Variants in UNC5D observed in about 807,000 individuals in gnomAD.
UNC5D encodes netrin receptor UNC5D.
A neutral mutation model predicts 105.4 loss-of-function variants in UNC5D; 39 were observed. The observed-to-expected ratio is 0.37, with a 90% CI of 0.29 to 0.48. The LOEUF is 0.48. Ranked by LOEUF, UNC5D falls within the 20% of genes least tolerant of loss-of-function variation. The probability of loss-of-function intolerance (pLI) is 0.98; values close to 1 mark genes in which losing one functional copy is unlikely to be tolerated. For missense variants in UNC5D, 991 were observed against 1,202.4 expected, an observed-to-expected ratio of 0.82 and a Z score of 2.60; for synonymous variants, 452 against 450.4, an observed-to-expected ratio of 1.00 and a Z score of -0.04.
chr8:35,365,954 A>G (rs1307502630), intron 1 of UNC5D, among the ~76,000 whole-genome samples: 1 of 152,178 alleles, frequency 6.6e-6, no homozygotes, highest in African/African-American at 2.4e-5. Flanking sequence ...GAGGAAATAA[A>G]CAGAAGAATA....
chr8:35,488,775 A>G (rs1395963889), intron 1 of UNC5D, among the ~76,000 whole-genome samples: 1 of 152,154 alleles, frequency 6.6e-6, no homozygotes, highest in African/African-American at 2.4e-5. Flanking sequence ...CAGATAACTT[A>G]CCTGGTTTCA....
At position 35,455,531 on chromosome 8, in the gene UNC5D, C is replaced by T. The variant is rs182270929; in HGVS notation, c.104-93761C>T. ...TGATCTCAGGTGATCCGTCCACCTC[C>T]GCCTCCCAAAGTGCTGGGATTACAG... is the stretch of plus-strand genomic sequence containing the variant. On this transcript the variant is annotated intron_variant, in intron 1 of 16. Transcript: ENST00000404895. Among the ~76,000 whole-genome samples, 1,404 of 151,830 alleles carry T rather than the reference C, an allele frequency of 9.2e-3. 22 individuals are homozygous for T. Among genetic ancestry groups the T allele is most frequent in the South Asian group, 0.081 (387 of 4,782 alleles).
chr8:35,420,867 A>G (rs1299959371), intron 1 of UNC5D, among the ~76,000 whole-genome samples: 1 of 152,176 alleles, frequency 6.6e-6, no homozygotes, highest in Non-Finnish European at 1.5e-5. Flanking sequence ...ATTATTACCT[A>G]AAGTATCTGA....
At chr8:35,685,790 T>C (rs559143372) in intron 6 of UNC5D, among the ~76,000 whole-genome samples, 2 of 152,272 alleles carry the variant, frequency 1.3e-5, no homozygotes, top group South Asian at 4.1e-4. Context: ...GACTCAGACA[T>C]TTTGCTTCAA....
In UNC5D at chr8:35,353,704, C is replaced by A. The variant is rs548801658; in HGVS notation, c.103+117817C>A. Among the ~76,000 whole-genome samples the A allele has an allele frequency of 3.3e-5, 5 of 151,968 alleles. No homozygotes were observed. The South Asian group carries it at 1.0e-3, about 32-fold the overall frequency. On this transcript the variant is annotated intron_variant, in intron 1 of 16. Transcript: ENST00000404895. Reference sequence around the variant, plus strand: ...TATTATTCTTAAAAAGAAGAAGATACCTTCATGTGCATTAATATTGAAAAA... The same window carrying A: ...TATTATTCTTAAAAAGAAGAAGATAACTTCATGTGCATTAATATTGAAAAA...
At chr8:35,697,566 A>C (rs1359678905) in intron 7 of UNC5D, among the ~76,000 whole-genome samples, 1 of 152,146 alleles carries the variant, frequency 6.6e-6, no homozygotes. Context: ...CTCATCAAGT[A>C]GCCACAACAT....
intron 3 of UNC5D, among the ~76,000 whole-genome samples, chr8:35,580,607 GA>G (rs1352844658): frequency 6.6e-6 from 1 of 152,108 alleles, no homozygotes; most frequent in Non-Finnish European, 1.5e-5. Context: ...AAAGATTTAT[GA>G]AGGAAGAAAT....
At chr8:35,609,201 G>A (rs760388091) in intron 4 of UNC5D, among the ~76,000 whole-genome samples, 4 of 152,002 alleles carry the variant, frequency 2.6e-5, no homozygotes, top group Non-Finnish European at 5.9e-5. Context: ...CCATTTGTAT[G>A]TCTTCTTTTG....
At chr8:35,281,052 G>A (rs373348792) in intron 1 of UNC5D, among the ~76,000 whole-genome samples, 1 of 152,128 alleles carries the variant, frequency 6.6e-6, no homozygotes, top group East Asian at 1.9e-4. Context: ...TCCCGTTGCC[G>A]GAACTCACTC....
At chr8:35,695,581 G>A (rs1826707532) in intron 7 of UNC5D, among the ~76,000 whole-genome samples, 1 of 151,998 alleles carries the variant, frequency 6.6e-6, no homozygotes, top group African/African-American at 2.4e-5. Flanking sequence ...GCTCAGGAGA[G>A]GGAAGGAAGA....
rs763941864 is a variant in UNC5D, at chr8:35,549,452, C to T, written c.264C>T (p.Asn88=). The T allele has an allele frequency of 3.3e-5, 53 of 1,612,598 alleles. No homozygotes were observed. The highest frequency in any genetic ancestry group is 5.3e-5 in the African/African-American group (4 of 74,874). The part of the protein sequence containing the change: ...RPAMQIFFKC[N]GEWVHQNEHV... ...CCATGCAGATATTCTTCAAATGCAACGGCGAGTGGGTCCATCAGAACGAGC... is the reference window on the plus strand; with the variant it reads ...CCATGCAGATATTCTTCAAATGCAATGGCGAGTGGGTCCATCAGAACGAGC... The change falls in exon 2 of 17, where the codon AAC becomes AAT. Residue 88 remains asparagine, a synonymous_variant. Coordinates refer to ENST00000404895, the MANE Select transcript of UNC5D (RefSeq NM_080872.4).
At chr8:35,711,595 A>G (rs1319112376) in intron 8 of UNC5D, among the ~76,000 whole-genome samples, 1 of 152,068 alleles carries the variant, frequency 6.6e-6, no homozygotes, top group Non-Finnish European at 1.5e-5. Context: ...ATGTTGGCCT[A>G]TAGTTTCCCT....
intron 1 of UNC5D, among the ~76,000 whole-genome samples, chr8:35,281,547 C>A (rs561297517): frequency 1.3e-5 from 2 of 152,096 alleles, no homozygotes; most frequent in South Asian, 4.1e-4. Flanking sequence ...TCAAGCGATT[C>A]TCCTGCCTCA....
At chr8:35,373,150 A>T (rs918641887) in intron 1 of UNC5D, among the ~76,000 whole-genome samples, 18 of 152,342 alleles carry the variant, frequency 1.2e-4, no homozygotes, top group Admixed American at 1.0e-3. Context: ...CTATGTAAAA[A>T]TAAATAGCAT....
At chr8:35,356,315 C>G (rs1407653817) in intron 1 of UNC5D, among the ~76,000 whole-genome samples, 2 of 152,152 alleles carry the variant, frequency 1.3e-5, no homozygotes, top group African/African-American at 4.8e-5. Flanking sequence ...TTCCTACTCC[C>G]TTTACTACTA....
intron 1 of UNC5D, among the ~76,000 whole-genome samples, chr8:35,283,497 C>T (rs1158441790): frequency 6.6e-6 from 1 of 152,096 alleles, no homozygotes; most frequent in Non-Finnish European, 1.5e-5. Context: ...CATGGTGGCT[C>T]ACACCTGTAA....
chr8:35,396,071 G>A (rs780006686), intron 1 of UNC5D, among the ~76,000 whole-genome samples: 7 of 152,148 alleles, frequency 4.6e-5, no homozygotes, highest in Non-Finnish European at 1.5e-5. Flanking sequence ...GTAAGTATTA[G>A]ACTAACTAGC....
intron 3 of UNC5D, among the ~76,000 whole-genome samples, chr8:35,588,817 G>T (rs534164999): frequency 6.6e-6 from 1 of 152,312 alleles, no homozygotes; most frequent in African/African-American, 2.4e-5. Context: ...AAGGCAGGTG[G>T]CTCACATGAG....
At chr8:35,663,953 C>G (rs1191166428) in intron 4 of UNC5D, among the ~76,000 whole-genome samples, 1 of 152,090 alleles carries the variant, frequency 6.6e-6, no homozygotes, top group African/African-American at 2.4e-5. Flanking sequence ...ATTAGCAAAT[C>G]AGTTGTAACC....
Sources: allele counts gnomAD v4.1 joint callset (sites outside exome capture counted in the v4.1 genomes callset), GRCh38; gene constraint gnomAD v4.1.1; transcripts MANE v1.5; gene names NCBI Gene and HGNC (gene_info 2026-07-23, HGNC 2026-07-21).